SOX5: variants seen among roughly 807,000 people sequenced by gnomAD.
SOX5 encodes the protein SRY-box transcription factor 5, also known as transcription factor SOX-5.
SOX5 carries 9 observed loss-of-function variants against 92.0 expected under a neutral mutation model. That is an observed-to-expected ratio of 0.10 (90% CI 0.06 to 0.17). The LOEUF (loss-of-function observed/expected upper bound fraction) is 0.17. Ranked by LOEUF, SOX5 falls within the 10% of genes least tolerant of loss-of-function variation. The pLI is 1.00. For missense variants in SOX5, 642 were observed against 944.5 expected, an observed-to-expected ratio of 0.68 and a Z score of 4.20; for synonymous variants, 344 against 336.3, an observed-to-expected ratio of 1.02 and a Z score of -0.25.
At chr12:24,371,079 A>T (rs1340990193) in intron 1 of SOX5, among the ~76,000 whole-genome samples, 1 of 152,154 alleles carries the variant, frequency 6.6e-6, no homozygotes, top group Non-Finnish European at 1.5e-5. Flanking sequence ...TATCTACATG[A>T]CCCTTACCTA....
intron 1 of SOX5, among the ~76,000 whole-genome samples, chr12:23,936,696 C>T (rs1324908257): frequency 6.6e-6 from 1 of 150,748 alleles, no homozygotes; most frequent in Non-Finnish European, 1.5e-5. Context: ...ATATGAGGCA[C>T]ACGTGTAATT....
intron 6 of SOX5, among the ~76,000 whole-genome samples, chr12:23,705,714 T>C (rs1015799569): frequency 1.3e-5 from 2 of 152,048 alleles, no homozygotes; most frequent in Non-Finnish European, 2.9e-5. Flanking sequence ...AAGATCACCT[T>C]ATGAATGAAC....
chr12:23,563,161 T>G, intron 11 of SOX5, 97 bp downstream of exon 11: 1 of 1,015,440 alleles, frequency 9.8e-7, no homozygotes, highest in East Asian at 2.6e-5. Context: ...GAGAATCATT[T>G]TGAGGATGAT....
chr12:24,496,251 T>TA (rs2138053476), intron 1 of SOX5, among the ~76,000 whole-genome samples: 1 of 152,314 alleles, frequency 6.6e-6, no homozygotes, highest in African/African-American at 2.4e-5. Flanking sequence ...AGAGGTTACT[T>TA]AGAGTTTACT....
intron 3 of SOX5, among the ~76,000 whole-genome samples, chr12:24,253,527 C>G (rs1232587715): frequency 6.6e-6 from 1 of 151,982 alleles, no homozygotes; most frequent in Non-Finnish European, 1.5e-5. Context: ...AACGGCAAAA[C>G]AAAAGGAAAA....
At chr12:23,586,877 T>G (rs945249263) in intron 9 of SOX5, among the ~76,000 whole-genome samples, 1 of 151,036 alleles carries the variant, frequency 6.6e-6, no homozygotes, top group Non-Finnish European at 1.5e-5. Context: ...TCTTAGTGAA[T>G]AAATAAAAGG....
intron 4 of SOX5, among the ~76,000 whole-genome samples, chr12:24,068,700 GTGTGTATA>G (rs1467178562): frequency 1.1e-4 from 6 of 54,082 alleles, no homozygotes; most frequent in African/African-American, 4.7e-4. Context: ...GTGTGTGTGT[GTGTGTATA>G]TATATATATA....
At chr12:24,421,871 A>G (rs1056483781) in intron 1 of SOX5, among the ~76,000 whole-genome samples, 1 of 152,206 alleles carries the variant, frequency 6.6e-6, no homozygotes, top group African/African-American at 2.4e-5. Flanking sequence ...TGCAAATCAA[A>G]TAACCCTCTT....
At chr12:23,908,433 A>G (rs1404751415) in intron 1 of SOX5, among the ~76,000 whole-genome samples, 2 of 152,092 alleles carry the variant, frequency 1.3e-5, no homozygotes, top group Non-Finnish European at 2.9e-5. Flanking sequence ...ATATATTGCT[A>G]AATTCTGGCC....
chr12:24,118,991 G>A (rs1402298472), intron 4 of SOX5, among the ~76,000 whole-genome samples: 1 of 152,056 alleles, frequency 6.6e-6, no homozygotes, highest in East Asian at 1.9e-4. Context: ...ATCTTTAGAA[G>A]TATCCCTTAA....
At chr12:23,723,282 A>G (rs1199219896) in intron 6 of SOX5, among the ~76,000 whole-genome samples, 1 of 152,034 alleles carries the variant, frequency 6.6e-6, no homozygotes, top group Non-Finnish European at 1.5e-5. Flanking sequence ...AACAAACTCA[A>G]TCTTTCCAAC....
At chr12:24,352,163 G>C (rs544936244) in intron 2 of SOX5, among the ~76,000 whole-genome samples, 1 of 152,104 alleles carries the variant, frequency 6.6e-6, no homozygotes, top group Non-Finnish European at 1.5e-5. Flanking sequence ...GAATGGGCAG[G>C]TGTTTTCACA....
chr12:23,968,408 C>T (rs1206079098), intron 4 of SOX5, among the ~76,000 whole-genome samples: 5 of 152,170 alleles, frequency 3.3e-5, no homozygotes, highest in Admixed American at 6.5e-5. Flanking sequence ...AACTTGATCT[C>T]CAATGTGATG....
At chr12:24,358,481 C>T (rs1313874568) in intron 2 of SOX5, among the ~76,000 whole-genome samples, 1 of 151,958 alleles carries the variant, frequency 6.6e-6, no homozygotes, top group Non-Finnish European at 1.5e-5. Flanking sequence ...ATTGTCCTTT[C>T]GGCGCCAATG....
intron 3 of SOX5, among the ~76,000 whole-genome samples, chr12:23,801,003 G>A (rs1353902760): frequency 1.3e-5 from 2 of 152,198 alleles, no homozygotes; most frequent in South Asian, 2.1e-4. Flanking sequence ...GCCAAACCTT[G>A]AGAGATGCTT....
chr12:24,416,513 G>A (rs1167210071), intron 1 of SOX5, among the ~76,000 whole-genome samples: 3 of 152,210 alleles, frequency 2.0e-5, no homozygotes, highest in African/African-American at 2.4e-5. Flanking sequence ...GTAAGGAAAC[G>A]TGGTGACTGA....
At chr12:23,580,972 A>G (rs1418723607) in intron 9 of SOX5, among the ~76,000 whole-genome samples, 1 of 152,124 alleles carries the variant, frequency 6.6e-6, no homozygotes, top group Non-Finnish European at 1.5e-5. Flanking sequence ...AAATAAATAT[A>G]TAAAGTTACA....
At chr12:24,292,927 C>T (rs970842286) in intron 2 of SOX5, among the ~76,000 whole-genome samples, 11 of 152,186 alleles carry the variant, frequency 7.2e-5, no homozygotes, top group African/African-American at 2.7e-4. Flanking sequence ...TGGTGTTATA[C>T]TCTCAAGTGA....
At chr12:24,409,587 A>T (rs1254658898) in intron 1 of SOX5, among the ~76,000 whole-genome samples, 1 of 152,194 alleles carries the variant, frequency 6.6e-6, no homozygotes, top group Admixed American at 6.5e-5. Context: ...TAGGTTATAT[A>T]CGGCAGATGA....
Sources: allele counts gnomAD v4.1 joint callset (sites outside exome capture counted in the v4.1 genomes callset), GRCh38; gene constraint gnomAD v4.1.1; transcripts MANE v1.5; gene names NCBI Gene and HGNC (gene_info 2026-07-23, HGNC 2026-07-21).